The following RBMS1 variants were observed in gnomAD, a reference collection of about 807,000 sequenced individuals.
RBMS1 encodes the protein RNA binding motif single stranded interacting protein 1, also known as RNA-binding motif, single-stranded-interacting protein 1.
A neutral mutation model predicts 62.3 loss-of-function variants in RBMS1; 17 were observed. The observed-to-expected ratio is 0.27, with a 90% confidence interval of 0.19 to 0.41. The LOEUF is 0.41. Ranked by LOEUF, RBMS1 falls within the 10% of genes least tolerant of loss-of-function variation. The pLI is 1.00. For synonymous variants in RBMS1, 172 were observed against 170.0 expected (o/e 1.01, Z -0.09); for missense variants, 334 against 504.5 (o/e 0.66, Z 3.24).
chr2:160,381,167 A>G (rs1350918954), intron 1 of RBMS1, among the ~76,000 whole-genome samples: 1 of 152,146 alleles, frequency 6.6e-6, no homozygotes, highest in Non-Finnish European at 1.5e-5. Flanking sequence ...TTACAATAAT[A>G]GCTCATATGC....
At position 160,493,570 on chromosome 2, in the gene RBMS1, TCTTCCTCC is replaced by T; in HGVS notation, c.-215_-208del. On this transcript the variant is annotated 5_prime_UTR_variant, in exon 1 of 14. Coordinates refer to ENST00000348849, the MANE Select transcript of RBMS1 (RefSeq NM_016836.4). The stretch of plus-strand genomic sequence containing the variant: ...CTCCTCCTCCTCCTCCTCCTCCTCC[TCTTCCTCC>T]TCCTCCTCCTCCTCCCAGGCAGAAA... The T allele has an allele frequency of 3.4e-6, 2 of 584,260 alleles. No homozygotes were observed. Among genetic ancestry groups the T allele is most frequent in the South Asian group, 1.9e-5 (1 of 52,184 alleles). The allele number at this position is 584,260 out of a possible 1,614,324, so 36.2% of individuals were successfully genotyped here.
chr2:160,302,198 T>C (rs1689243424), intron 5 of RBMS1, among the ~76,000 whole-genome samples: 1 of 151,934 alleles, frequency 6.6e-6, no homozygotes, highest in African/African-American at 2.4e-5. Flanking sequence ...AACTAGACTT[T>C]TAGACTTTTT....
chr2:160,448,440 G>C (rs1049675980), intron 1 of RBMS1, among the ~76,000 whole-genome samples: 2 of 152,234 alleles, frequency 1.3e-5, no homozygotes, highest in Non-Finnish European at 1.5e-5. Context: ...GATTGCAGGC[G>C]CGCGCAGCCA....
intron 1 of RBMS1, among the ~76,000 whole-genome samples, chr2:160,463,108 T>C (rs1239854373): frequency 6.6e-6 from 1 of 152,022 alleles, no homozygotes; most frequent in Admixed American, 6.5e-5. Context: ...AAAAATGTTA[T>C]CCATAAAATT....
intron 1 of RBMS1, among the ~76,000 whole-genome samples, chr2:160,419,995 G>C (rs1286663559): frequency 2.6e-5 from 4 of 152,160 alleles, no homozygotes; most frequent in Admixed American, 6.5e-5. Context: ...GATTCATACT[G>C]ACTCTCTTCT....
intron 6 of RBMS1, among the ~76,000 whole-genome samples, chr2:160,295,137 T>C (rs1574231453): frequency 6.6e-6 from 1 of 152,318 alleles, no homozygotes; most frequent in African/African-American, 2.4e-5. Flanking sequence ...ACTGTGCCAG[T>C]GTGCTTCCAA....
chr2:160,427,811 G>A (rs749173971), intron 1 of RBMS1, among the ~76,000 whole-genome samples: 1 of 152,116 alleles, frequency 6.6e-6, no homozygotes, highest in African/African-American at 2.4e-5. Flanking sequence ...AGGCAAGTTC[G>A]AATGTTAAGT....
intron 2 of RBMS1, among the ~76,000 whole-genome samples, chr2:160,328,615 G>A (rs1042653645): frequency 6.6e-6 from 1 of 152,054 alleles, no homozygotes; most frequent in Non-Finnish European, 1.5e-5. Context: ...AGGGAAGCAA[G>A]GCAATTTAGG....
chr2:160,347,625 T>C (rs1692257297), intron 2 of RBMS1, among the ~76,000 whole-genome samples: 3 of 152,146 alleles, frequency 2.0e-5, no homozygotes, highest in Admixed American at 2.0e-4. Context: ...AAACCAGCCC[T>C]GAATACTATG....
At chr2:160,379,561 A>AT (rs1372683250) in intron 1 of RBMS1, among the ~76,000 whole-genome samples, 2 of 152,248 alleles carry the variant, frequency 1.3e-5, no homozygotes, top group African/African-American at 4.8e-5. Flanking sequence ...TCTGAAGCAG[A>AT]TAAATTGAAG....
At chr2:160,294,906 C>T (rs1002081452) in intron 6 of RBMS1, among the ~76,000 whole-genome samples, 1 of 151,700 alleles carries the variant, frequency 6.6e-6, no homozygotes, top group African/African-American at 2.4e-5. Context: ...TAATCATATG[C>T]CCTCCACAGA....
intron 2 of RBMS1, among the ~76,000 whole-genome samples, chr2:160,323,760 G>C (rs1014565169): frequency 2.0e-5 from 3 of 152,066 alleles, no homozygotes; most frequent in African/African-American, 7.2e-5. Context: ...AGCTCTGACA[G>C]TAAAAAGATG....
chr2:160,320,541 A>ATCCC (rs1690498697), intron 2 of RBMS1, among the ~76,000 whole-genome samples: 1 of 152,112 alleles, frequency 6.6e-6, no homozygotes, highest in Admixed American at 6.5e-5. Context: ...GTGGGGGTGG[A>ATCCC]TCCCTCATGA....
At chr2:160,436,769 C>A (rs1683128301) in intron 1 of RBMS1, among the ~76,000 whole-genome samples, 2 of 152,116 alleles carry the variant, frequency 1.3e-5, no homozygotes, top group Admixed American at 1.3e-4. Context: ...AAAAGGCCCA[C>A]CCAGACAGAA....
intron 2 of RBMS1, among the ~76,000 whole-genome samples, chr2:160,352,679 CG>C (rs954126734): frequency 6.6e-6 from 1 of 152,054 alleles, no homozygotes; most frequent in Non-Finnish European, 1.5e-5. Flanking sequence ...TGCACATGTC[CG>C]TTCATATAAA....
intron 4 of RBMS1, among the ~76,000 whole-genome samples, chr2:160,310,084 T>C (rs1375630682): frequency 2.6e-5 from 4 of 152,226 alleles, no homozygotes; most frequent in Non-Finnish European, 2.9e-5. Context: ...TTTCACATTA[T>C]GTTAAACAGG....
At chr2:160,324,882 GTATATATATATATA>G (rs201492090) in intron 2 of RBMS1, among the ~76,000 whole-genome samples, 7 of 100,016 alleles carry the variant, frequency 7.0e-5, no homozygotes, top group Admixed American at 1.0e-4. Flanking sequence ...GTGTGTGTGT[GTATATATATATATA>G]TATATATATA....
intron 3 of RBMS1, among the ~76,000 whole-genome samples, chr2:160,317,317 G>T (rs1250302890): frequency 6.6e-6 from 1 of 152,106 alleles, no homozygotes; most frequent in African/African-American, 2.4e-5. Context: ...TGAAAAACTG[G>T]GGTCTAATTA....
chr2:160,354,141 G>T (rs539339574), intron 2 of RBMS1, among the ~76,000 whole-genome samples: 2 of 152,122 alleles, frequency 1.3e-5, no homozygotes, highest in African/African-American at 4.8e-5. Context: ...ATTCTGGTGC[G>T]TGTTCCTCGT....
Sources: gnomAD v4.1 joint callset for allele counts (sites outside exome capture counted in the v4.1 genomes callset) on GRCh38, gnomAD v4.1.1 for gene constraint, MANE v1.5 for transcripts, NCBI Gene and HGNC (gene_info 2026-07-23, HGNC 2026-07-21) for gene names.